SLC38A12: variants seen among roughly 807,000 people sequenced by gnomAD.
SLC38A12 encodes solute carrier family 38 member 12.
At chr17:74,796,116 G>C in the SLC38A12 span, among the ~76,000 whole-genome samples, 1 of 152,178 alleles carries the variant, frequency 6.6e-6, no homozygotes, top group Non-Finnish European at 1.5e-5. Flanking sequence ...CATCCTCCCA[G>C]TGGACAAGAG....
At chr17:74,785,473 C>A in the SLC38A12 span, 1 of 1,606,610 alleles carries the variant, frequency 6.2e-7, no homozygotes, top group Middle Eastern at 1.7e-4. Context: ...TTGCCTCTGT[C>A]GGTTCCAGGT....
chr17:74,823,363 A>G, the SLC38A12 span, among the ~76,000 whole-genome samples: 1 of 152,230 alleles, frequency 6.6e-6, no homozygotes, highest in Non-Finnish European at 1.5e-5. Context: ...GCCGGAGGAG[A>G]CTGCAGGCCC....
chr17:74,837,308 AGAGCTGCGAGGGCCCTCGCTGTGGGCGC>A, the SLC38A12 span: 1 of 985,512 alleles, frequency 1.0e-6, no homozygotes, highest in East Asian at 1.1e-4. Context: ...GTCCCCAGAT[AGAGCTGCGAGGGCCCTCGCTGTGGGCGC>A]GAGCTCCGGA....
At chr17:74,794,891 A>G in the SLC38A12 span, 3 of 798,466 alleles carry the variant, frequency 3.8e-6, no homozygotes, top group East Asian at 2.5e-5. Flanking sequence ...TAGAAAGTAA[A>G]CAGCTCAGAG....
the SLC38A12 span, among the ~76,000 whole-genome samples, chr17:74,807,936 C>T: frequency 1.3e-5 from 2 of 152,212 alleles, no homozygotes; most frequent in Non-Finnish European, 2.9e-5. Flanking sequence ...CGTGGTCCTC[C>T]GTCAGGCTTG....
At chr17:74,798,585 G>A in the SLC38A12 span, among the ~76,000 whole-genome samples, 1 of 152,164 alleles carries the variant, frequency 6.6e-6, no homozygotes, top group Non-Finnish European at 1.5e-5. Context: ...GCTGGGGGGT[G>A]GAGGTCCCCT....
At chr17:74,806,709 G>T in the SLC38A12 span, among the ~76,000 whole-genome samples, 2 of 152,054 alleles carry the variant, frequency 1.3e-5, no homozygotes, top group Non-Finnish European at 2.9e-5. Context: ...CTCCCATCAG[G>T]TTCCCCAGGA....
At chr17:74,816,979 C>G in the SLC38A12 span, among the ~76,000 whole-genome samples, 1 of 152,110 alleles carries the variant, frequency 6.6e-6, no homozygotes, top group Non-Finnish European at 1.5e-5. Context: ...ACTGCCCCTG[C>G]TAGACCATCT....
chr17:74,810,617 C>T, the SLC38A12 span, among the ~76,000 whole-genome samples: 7 of 152,200 alleles, frequency 4.6e-5, no homozygotes, highest in Non-Finnish European at 7.3e-5. Flanking sequence ...GTCTAGAACC[C>T]GACAGCCTGT....
the SLC38A12 span, among the ~76,000 whole-genome samples, chr17:74,820,667 A>C: frequency 1.3e-5 from 2 of 152,190 alleles, no homozygotes; most frequent in African/African-American, 4.8e-5. Flanking sequence ...GGGTGTGTCC[A>C]GGCTCCAGGA....
the SLC38A12 span, among the ~76,000 whole-genome samples, chr17:74,811,086 T>G: frequency 6.6e-6 from 1 of 152,164 alleles, no homozygotes. Context: ...TCCTAGCACT[T>G]TGGGAGGCCA....
chr17:74,822,125 C>T, the SLC38A12 span, among the ~76,000 whole-genome samples: 1 of 152,164 alleles, frequency 6.6e-6, no homozygotes, highest in Admixed American at 6.5e-5. Context: ...GAAGAGGAGG[C>T]TGAGGGCAAA....
At chr17:74,788,964 T>C in the SLC38A12 span, 2 of 1,124,042 alleles carry the variant, frequency 1.8e-6, no homozygotes, top group African/African-American at 1.6e-5. Context: ...TCTCAGTGCA[T>C]GGCGGGCTCT....
the SLC38A12 span, among the ~76,000 whole-genome samples, chr17:74,813,589 C>A: frequency 6.6e-6 from 1 of 152,186 alleles, no homozygotes; most frequent in South Asian, 2.1e-4. Flanking sequence ...CAACCTCTGC[C>A]TCCCGGGTTC....
chr17:74,805,931 G>A, the SLC38A12 span, among the ~76,000 whole-genome samples: 1 of 152,204 alleles, frequency 6.6e-6, no homozygotes, highest in African/African-American at 2.4e-5. The surrounding 1 kb of genome is among the most constrained non-coding windows in gnomAD (Gnocchi z 5.0). Context: ...AGGGCAGGGC[G>A]GGGGATTGAC....
chr17:74,785,720 T>G, the SLC38A12 span: 1 of 1,368,536 alleles, frequency 7.3e-7, no homozygotes. Context: ...CTACCCCGTA[T>G]CGAGCTCAGT....
chr17:74,810,536 C>G, the SLC38A12 span, among the ~76,000 whole-genome samples: 3 of 152,254 alleles, frequency 2.0e-5, no homozygotes, highest in African/African-American at 7.2e-5. Flanking sequence ...ATCTCTCACT[C>G]TGCACCAGGT....
chr17:74,829,944 T>G, the SLC38A12 span, among the ~76,000 whole-genome samples: 2 of 152,272 alleles, frequency 1.3e-5, no homozygotes, highest in South Asian at 4.2e-4. This position sits in a 1 kb window ranked among gnomAD's most constrained non-coding sequence, Gnocchi z 4.1. Flanking sequence ...AAGGAGCTCG[T>G]CCCTCTCCGT....
chr17:74,813,151 G>A, the SLC38A12 span, among the ~76,000 whole-genome samples: 1 of 152,214 alleles, frequency 6.6e-6, no homozygotes. Flanking sequence ...GCCACTCCAG[G>A]ATGAGAACAA....
Sources: allele counts gnomAD v4.1 joint callset (sites outside exome capture counted in the v4.1 genomes callset), GRCh38; gene constraint gnomAD v4.1.1; non-coding constraint Gnocchi (gnomAD v3.1); transcripts MANE v1.5; gene names NCBI Gene and HGNC (gene_info 2026-07-23, HGNC 2026-07-21).